Variants in ADK observed in about 807,000 individuals in gnomAD.
The protein encoded by ADK is N6,N6-dimethyladenosine kinase.
In ADK, 24 loss-of-function variants were observed where a neutral mutation model predicts 44.7. That is an observed-to-expected ratio of 0.54 (90% CI 0.39 to 0.76). The LOEUF is 0.76. ADK is among the 30% of genes least tolerant of loss of function. The pLI, the probability that ADK is intolerant of heterozygous loss-of-function variation, is 0.00. For missense variants in ADK, 321 were observed against 425.1 expected, an observed-to-expected ratio of 0.76 and a Z score of 2.15; for synonymous variants, 128 against 142.6, an observed-to-expected ratio of 0.90 and a Z score of 0.73.
intron 6 of ADK, among the ~76,000 whole-genome samples, chr10:74,512,772 C>T (rs905345628): frequency 1.3e-5 from 2 of 151,480 alleles, no homozygotes; most frequent in African/African-American, 4.8e-5. Context: ...TATTTCTACA[C>T]TGATCATTAT....
intron 9 of ADK, among the ~76,000 whole-genome samples, chr10:74,665,779 GA>G (rs1854930473): frequency 7.2e-6 from 1 of 138,928 alleles, no homozygotes; most frequent in East Asian, 2.1e-4. Flanking sequence ...GAGAGAGAGA[GA>G]GACAGACAGA....
At chr10:74,246,496 G>A (rs1432298115) in intron 3 of ADK, among the ~76,000 whole-genome samples, 1 of 152,204 alleles carries the variant, frequency 6.6e-6, no homozygotes, top group African/African-American at 2.4e-5. Context: ...GAATTCTCTT[G>A]TAAGGTCTGG....
intron 4 of ADK, among the ~76,000 whole-genome samples, chr10:74,373,886 G>A (rs1445775936): frequency 3.3e-5 from 5 of 152,120 alleles, no homozygotes; most frequent in African/African-American, 1.2e-4. Context: ...AACAACCCAA[G>A]TGTGTTACTG....
intron 9 of ADK, among the ~76,000 whole-genome samples, chr10:74,654,209 T>C (rs1239876599): frequency 6.6e-6 from 1 of 152,342 alleles, no homozygotes; most frequent in Middle Eastern, 3.4e-3. Context: ...GAAGGAGAGA[T>C]ATGATTTTAA....
At chr10:74,419,157 G>A (rs1212784534) in intron 6 of ADK, among the ~76,000 whole-genome samples, 1 of 151,864 alleles carries the variant, frequency 6.6e-6, no homozygotes, top group African/African-American at 2.4e-5. Flanking sequence ...ATATATTTAG[G>A]AATAGAGTCT....
At chr10:74,503,123 A>G (rs993433855) in intron 6 of ADK, among the ~76,000 whole-genome samples, 9 of 152,192 alleles carry the variant, frequency 5.9e-5, no homozygotes, top group Non-Finnish European at 1.2e-4. Context: ...GCCATACGCT[A>G]CAATAGCAGA....
intron 7 of ADK, among the ~76,000 whole-genome samples, chr10:74,561,177 G>T (rs968716409): frequency 6.6e-5 from 10 of 152,186 alleles, no homozygotes; most frequent in African/African-American, 2.4e-4. Flanking sequence ...CTAGTCAAAT[G>T]GAGTAAGTGG....
At chr10:74,202,045 C>T (rs569685079) in intron 2 of ADK, among the ~76,000 whole-genome samples, 1 of 152,256 alleles carries the variant, frequency 6.6e-6, no homozygotes, top group South Asian at 2.1e-4. Flanking sequence ...AGGACATTTT[C>T]ATCACCCCAA....
intron 3 of ADK, among the ~76,000 whole-genome samples, chr10:74,267,511 AT>A (rs1223608333): frequency 6.6e-6 from 1 of 151,898 alleles, no homozygotes; most frequent in East Asian, 1.9e-4. Context: ...GCATTATTTG[AT>A]TTCTGGAGAT....
chr10:74,278,366 T>TA (rs56769018), intron 3 of ADK, among the ~76,000 whole-genome samples: 1,194 of 113,880 alleles, frequency 0.01, 11 homozygotes, highest in Middle Eastern at 0.028. Flanking sequence ...AAAAAAAAAT[T>TA]AAAAAAAAAA....
At chr10:74,414,566 T>C (rs142090997) in intron 6 of ADK, among the ~76,000 whole-genome samples, 5 of 152,076 alleles carry the variant, frequency 3.3e-5, no homozygotes, top group Non-Finnish European at 7.4e-5. Flanking sequence ...TGAAACCCCC[T>C]CTCTACTAAA....
intron 10 of ADK, among the ~76,000 whole-genome samples, 168 bp from the exon 11 acceptor site, chr10:74,708,153 G>GAAAA (rs35480343): frequency 2.6e-4 from 34 of 132,706 alleles, no homozygotes; most frequent in African/African-American, 8.8e-4. Flanking sequence ...CCATCTCGGG[G>GAAAA]AAAAAAAAAA....
At chr10:74,651,097 G>A (rs1854250978) in intron 9 of ADK, among the ~76,000 whole-genome samples, 1 of 152,098 alleles carries the variant, frequency 6.6e-6, no homozygotes, top group Non-Finnish European at 1.5e-5. Context: ...GGGTGGTGGT[G>A]GGGAAATGGA....
chr10:74,240,963 AG>A (rs1446410006), intron 3 of ADK, among the ~76,000 whole-genome samples: 1 of 152,154 alleles, frequency 6.6e-6, no homozygotes, highest in African/African-American at 2.4e-5. Context: ...GTGGAGACAT[AG>A]GTCTGTTAAC....
chr10:74,566,830 A>G (rs867204634), intron 7 of ADK, among the ~76,000 whole-genome samples: 1 of 152,204 alleles, frequency 6.6e-6, no homozygotes, highest in Non-Finnish European at 1.5e-5. Flanking sequence ...TTTTAAAAAG[A>G]TACTTTACTT....
chr10:74,687,989 ACTTAGC>A (rs1855855012), intron 10 of ADK, among the ~76,000 whole-genome samples: 1 of 152,190 alleles, frequency 6.6e-6, no homozygotes, highest in African/African-American at 2.4e-5. Context: ...TTCTCACTGC[ACTTAGC>A]CTAAAAATCC....
chr10:74,700,671 C>T (rs546116484), intron 10 of ADK, among the ~76,000 whole-genome samples: 1 of 151,466 alleles, frequency 6.6e-6, no homozygotes, highest in African/African-American at 2.4e-5. Flanking sequence ...AATGTACATA[C>T]ATCTGCTTAC....
intron 9 of ADK, among the ~76,000 whole-genome samples, chr10:74,603,415 C>G (rs1027164175): frequency 5.9e-5 from 9 of 152,068 alleles, no homozygotes; most frequent in African/African-American, 2.2e-4. Flanking sequence ...TGAGCTCCCC[C>G]ACCCCCCGAC....
chr10:74,560,064 G>A (rs747170046), intron 7 of ADK, among the ~76,000 whole-genome samples: 1 of 151,852 alleles, frequency 6.6e-6, no homozygotes, highest in Non-Finnish European at 1.5e-5. Flanking sequence ...CTACAAGTGC[G>A]CACCACCATG....
Sources: gnomAD v4.1 joint callset for allele counts (sites outside exome capture counted in the v4.1 genomes callset) on GRCh38, gnomAD v4.1.1 for gene constraint, MANE v1.5 for transcripts, NCBI Gene and HGNC (gene_info 2026-07-23, HGNC 2026-07-21) for gene names.